TONSL: variants seen among roughly 807,000 people sequenced by gnomAD.
TONSL encodes the protein tonsoku-like protein.
TONSL carries 112 observed loss-of-function variants against 147.1 expected under a neutral mutation model. That is an observed-to-expected ratio of 0.76 (90% CI 0.65 to 0.89). The LOEUF (loss-of-function observed/expected upper bound fraction) is 0.89, where lower values mean the gene tolerates loss of function less well. Among genes scored for constraint, TONSL ranks in the 40% least tolerant of loss-of-function variants. The pLI, the probability that TONSL is intolerant of heterozygous loss-of-function variation, is 0.00. For synonymous variants in TONSL, 868 were observed against 801.5 expected, an observed-to-expected ratio of 1.08 and a Z score of -1.40; for missense variants, 1,883 against 1,864.6, an observed-to-expected ratio of 1.01 and a Z score of -0.18.
chr8:144,430,540 G>T lies in TONSL; in HGVS notation c.3810-3C>A. ...GTGAGGGGCACAGAGAGAGACATCT[G>T]AGATAACATGGGAAGAAGTGCAAAG... On this transcript the variant is annotated splice_polypyrimidine_tract_variant and splice_region_variant and intron_variant, in intron 24 of 25. Coordinates refer to ENST00000409379, the MANE Select transcript of TONSL (RefSeq NM_013432.5). The T allele has an allele frequency of 6.2e-7, 1 of 1,607,040 alleles. No individual in the cohort carries two copies. The highest frequency in any genetic ancestry group is 8.5e-7 in the Non-Finnish European group (1 of 1,176,652).
At chr8:144,431,938 C>G (rs1466504862) in intron 23 of TONSL, among the ~76,000 whole-genome samples, 3 of 151,222 alleles carry the variant, frequency 2.0e-5, no homozygotes, top group African/African-American at 7.3e-5. Context: ...AACCAATTCT[C>G]TGCCTCAGCA....
Position 144,435,461 on chromosome 8 carries a change from G to A in TONSL, c.2852+13C>T. 1 of 1,536,588 alleles carries A rather than the reference G, an allele frequency of 6.5e-7. No homozygotes were observed. Among genetic ancestry groups the A allele is most frequent in the Non-Finnish European group, 8.8e-7 (1 of 1,138,002 alleles). Reference sequence around the variant, plus strand: ...CACAGGTGGGCTGCGGGGTAGGGCAGGCGATGCCTCACCTGTGTGGGACAG... The same window carrying A: ...CACAGGTGGGCTGCGGGGTAGGGCAAGCGATGCCTCACCTGTGTGGGACAG... On this transcript the variant is annotated intron_variant, in intron 18 of 25. Transcript: ENST00000409379.
Position 144,432,407 on chromosome 8 carries a change from C to T in TONSL, c.3613G>A (p.Ala1205Thr), listed in dbSNP as rs782390647. The T allele has an allele frequency of 2.1e-5, 34 of 1,589,604 alleles. No individual in the cohort carries two copies. In the East Asian group the frequency reaches 7.7e-4, roughly 36 times the overall value. ...AGGCTCTGCAGGGTCCTGGCCAGGG[C>T]AGGGGCTCCCAGGGCGTTGTAGGAC... ...SLSYNALGAP[A>T]LARTLQSLPA... is the part of the protein sequence containing the mutation. Residue 1205 changes from alanine (A) to threonine (T), a missense_variant, in exon 23 of 26, where the codon GCC (alanine) becomes ACC (threonine). Physicochemically the swap from Ala to Thr is moderately conservative, Grantham distance 58. Coordinates refer to ENST00000409379, the MANE Select transcript of TONSL (RefSeq NM_013432.5).
At position 144,436,152 on chromosome 8, in the gene TONSL, G is replaced by A. The variant is rs762928887; in HGVS notation, c.2281C>T (p.Arg761Trp). ...GPARPSQKRP[R>W]CSATAQRVAA... Reference sequence around the variant, plus strand: ...ACCCGTTGTGCTGTGGCCGAGCACCGAGGCCTCTTCTGGGACGGCCGTGCG... The same window carrying A: ...ACCCGTTGTGCTGTGGCCGAGCACCAAGGCCTCTTCTGGGACGGCCGTGCG... Residue 761 changes from arginine to tryptophan, a missense_variant, in exon 17 of 26, where the codon CGG (arginine) becomes TGG (tryptophan). Arg to Trp is a moderately radical substitution (Grantham distance 101, BLOSUM62 -3). Coordinates refer to ENST00000409379, the MANE Select transcript of TONSL (RefSeq NM_013432.5). 10 of 1,571,004 alleles carry A rather than the reference G, an allele frequency of 6.4e-6. No individual in the cohort carries two copies. The highest frequency in any genetic ancestry group is 5.6e-5 in the South Asian group (5 of 88,534).
chr8:144,429,662 A>C (rs1554878217), intron 25 of TONSL, among the ~76,000 whole-genome samples: 1 of 152,172 alleles, frequency 6.6e-6, no homozygotes, highest in Admixed American at 6.5e-5. Context: ...CGTGGGCCTG[A>C]GTGGATCAAG....
rs1341244760 is a variant in TONSL, at chr8:144,444,029, G to C, written c.122-5C>G. The C allele has an allele frequency of 2.0e-6, 3 of 1,534,042 alleles. No individual in the cohort carries two copies. Among genetic ancestry groups the C allele is most frequent in the Non-Finnish European group, 2.6e-6 (3 of 1,145,090 alleles). On this transcript the variant is annotated splice_region_variant and splice_polypyrimidine_tract_variant and intron_variant, in intron 2 of 25. Transcript: ENST00000409379. ...CCAGAGCCTCGGCGTAGCGGCCTAG[G>C]CGGGGGCACAGCACGGCCTGGCAGG...
chr8:144,440,787 CAT>C lies in TONSL; in HGVS notation c.1093_1094del (p.Met365GlufsTer11), dbSNP rs1564733354. ...HVSLATTLGD[M>X]KDHHGAVRHY... is the part of the protein sequence containing the mutation. ...GGCGCACGGCCCCATGGTGGTCCTT[CAT>C]GTCTCCCAGTGTGGTGGCCAGGGAC... On this transcript the variant is annotated frameshift_variant, in exon 9 of 26. Transcript: ENST00000409379. LOFTEE classifies it high-confidence loss of function. 1 of 1,612,972 alleles carries C rather than the reference CAT, an allele frequency of 6.2e-7. No homozygotes were observed. Among genetic ancestry groups the C allele is most frequent in the Admixed American group, 1.7e-5 (1 of 60,020 alleles).
chr8:144,429,981 G>C (rs532663859), intron 25 of TONSL, among the ~76,000 whole-genome samples: 1 of 152,220 alleles, frequency 6.6e-6, no homozygotes, highest in Non-Finnish European at 1.5e-5. Flanking sequence ...TGTGGCTCAA[G>C]AGAGAACAAG....
At position 144,429,259 on chromosome 8, in the gene TONSL, T is replaced by C. The variant is rs782442145; in HGVS notation, c.4021A>G (p.Ser1341Gly). Residue 1341 changes from serine (S) to glycine (G), a missense_variant, in exon 26 of 26, where the codon AGC (serine) becomes GGC (glycine). By Grantham distance (56) the Ser-to-Gly change is moderately conservative. Transcript: ENST00000409379. ...CTGTCCTCAGCGCAGAGGCGTCTGC[T>C]GCACAGCTGCAGTTCCCGGAGCTGC... ...AAQLRELQLC[S>G]RRLCAEDRDA... 2.6e-6 allele frequency: 4 copies of C among 1,523,212 alleles called. No homozygotes were observed. The highest frequency in any genetic ancestry group is 2.1e-4 in the Middle Eastern group (1 of 4,782). The allele number at this position is 1,523,212 out of a possible 1,614,324, so 94.4% of individuals were successfully genotyped here. A position where few individuals can be genotyped will look rare whatever the true frequency, so the allele number is the denominator to read the frequency against.
At chr8:144,441,723 G>A (rs982836354) in intron 7 of TONSL, 11 of 330,394 alleles carry the variant, frequency 3.3e-5, no homozygotes, top group African/African-American at 2.4e-4. Flanking sequence ...CACCCTGGGA[G>A]GCTAGGGGTA....
In TONSL at chr8:144,432,298, CG is replaced by C. The variant is rs782511718; in HGVS notation, c.3721del (p.Arg1241AspfsTer10). ...GDSDLMEPVF[R>X]YLAKEGCALA... ...CCCACCTCGTACCTTGGCCAGGTAT[CG>C]GAATACAGGCTCCATGAGGTCCGAA... On this transcript the variant is annotated frameshift_variant, in exon 23 of 26. Coordinates refer to ENST00000409379, the MANE Select transcript of TONSL (RefSeq NM_013432.5). LOFTEE classifies it high-confidence loss of function. 2 of 1,613,728 alleles carry C rather than the reference CG, an allele frequency of 1.2e-6. No individual in the cohort carries two copies. Among genetic ancestry groups the C allele is most frequent in the South Asian group, 2.2e-5 (2 of 91,072 alleles).
chr8:144,429,439 AG>A, intron 25 of TONSL, 103 bp from the exon 26 acceptor site: 4 of 1,133,648 alleles, frequency 3.5e-6, no homozygotes, highest in Non-Finnish European at 4.6e-6. Context: ...TGAGGGCCCC[AG>A]GGCTGTAGCG....
chr8:144,435,395 C>T, intron 18 of TONSL, 79 bp downstream of exon 18: 2 of 1,356,090 alleles, frequency 1.5e-6, no homozygotes, highest in Non-Finnish European at 2.0e-6. Flanking sequence ...GTCACACGCC[C>T]CACCCTGACA....
Position 144,429,345 on chromosome 8 carries a change from G to T in TONSL, c.3944-9C>A, listed in dbSNP as rs1465119184. Reference sequence around the variant, plus strand: ...ACCCTGGACGGCGCAGCCTGCGGAGGGGAAGAGGGCAGACCTCAGCGCTGC... The same window carrying T: ...ACCCTGGACGGCGCAGCCTGCGGAGTGGAAGAGGGCAGACCTCAGCGCTGC... On this transcript the variant is annotated splice_polypyrimidine_tract_variant and intron_variant, in intron 25 of 25. Coordinates refer to ENST00000409379, the MANE Select transcript of TONSL (RefSeq NM_013432.5). The T allele has an allele frequency of 1.4e-5, 20 of 1,429,578 alleles. No homozygotes were observed. Among genetic ancestry groups the T allele is most frequent in the Non-Finnish European group, 1.8e-5 (20 of 1,089,322 alleles). The allele number at this position is 1,429,578 out of a possible 1,614,324, so 88.6% of individuals were successfully genotyped here.
At position 144,442,020 on chromosome 8, in the gene TONSL, C is replaced by T. The variant is rs1311682078; in HGVS notation, c.865+17G>A. On this transcript the variant is annotated intron_variant, in intron 7 of 25. Coordinates refer to ENST00000409379, the MANE Select transcript of TONSL (RefSeq NM_013432.5). ...TGCACACACCTCCCAGGGCCCCATT[C>T]GCACCCCCAGGCTCACCATGCTGGA... 15 of 1,608,682 alleles carry T rather than the reference C, an allele frequency of 9.3e-6. No individual in the cohort carries two copies. Among genetic ancestry groups the T allele is most frequent in the South Asian group, 5.5e-5 (5 of 90,904 alleles).
intron 22 of TONSL, 141 bp downstream of exon 22, chr8:144,433,447 G>A (rs368112189): frequency 4.2e-5 from 34 of 815,068 alleles, no homozygotes; most frequent in South Asian, 2.4e-4. Flanking sequence ...TGGCTCAAGC[G>A]ATACTCCCGC....
Position 144,436,561 on chromosome 8 carries a change from G to T in TONSL, c.2011C>A (p.Gln671Lys), listed in dbSNP as rs757332914. 2.1e-5 allele frequency: 34 copies of T among 1,609,730 alleles called. No individual in the cohort carries two copies. Among genetic ancestry groups the T allele is most frequent in the Non-Finnish European group, 2.7e-5 (32 of 1,179,796 alleles). ...EMLLQAAASG[Q>K]DPHSSQAFHT... The stretch of plus-strand genomic sequence containing the variant: ...GGACAAGGGACGCCCTGCTTGCCTT[G>T]GCCCGAGGCAGCCGCCTGGAGCAGC... The change falls in exon 16 of 26, where the codon CAA becomes AAA. Residue 671 changes from glutamine (Q) to lysine (K), a missense_variant. Physicochemically the swap from Gln to Lys is moderately conservative, Grantham distance 53. Transcript: ENST00000409379.
At position 144,442,351 on chromosome 8, in the gene TONSL, G is replaced by A. The variant is rs763013214; in HGVS notation, c.640C>T (p.Arg214Cys). The change falls in exon 6 of 26, where the codon CGC (arginine) becomes TGC (cysteine). Residue 214 changes from arginine (R) to cysteine (C), a missense_variant. By Grantham distance (180) the Arg-to-Cys change is radical (BLOSUM62 -3). Coordinates refer to ENST00000409379, the MANE Select transcript of TONSL (RefSeq NM_013432.5). Reference sequence around the variant, plus strand: ...ATAGCCTGGGAGTGCTGGCCCGCGCGCCAGTGGATGGTGCCCAGGTTGTAG... The same window carrying A: ...ATAGCCTGGGAGTGCTGGCCCGCGCACCAGTGGATGGTGCCCAGGTTGTAG... ...ARYNLGTIHW[R>C]AGQHSQAMRC... The A allele has an allele frequency of 6.9e-6, 11 of 1,590,298 alleles. No individual in the cohort carries two copies. The highest frequency in any genetic ancestry group is 1.7e-5 in the Admixed American group (1 of 58,814).
Position 144,438,442 on chromosome 8 carries a change from C to G in TONSL, c.1653+29G>C, listed in dbSNP as rs753681733. 6 of 1,606,066 alleles carry G rather than the reference C, an allele frequency of 3.7e-6. No individual in the cohort carries two copies. In the Admixed American group the frequency reaches 5.0e-5, roughly 13 times the overall value. ...CGCACAGCTCCTCCATGCTAGGCAG[C>G]CTGTCCCACGTCCCAGAGCGGGGCC... On this transcript the variant is annotated intron_variant, in intron 13 of 25. Coordinates refer to ENST00000409379, the MANE Select transcript of TONSL (RefSeq NM_013432.5).
Sources: allele counts gnomAD v4.1 joint callset (sites outside exome capture counted in the v4.1 genomes callset), GRCh38; gene constraint gnomAD v4.1.1; transcripts MANE v1.5; gene names NCBI Gene and HGNC (gene_info 2026-07-23, HGNC 2026-07-21).